HELLS: variants seen among roughly 807,000 people sequenced by gnomAD.
The protein encoded by HELLS is lymphoid-specific helicase.
HELLS carries 32 observed loss-of-function variants against 120.0 expected under a neutral mutation model. The observed-to-expected ratio is 0.27, with a 90% CI of 0.20 to 0.36. The LOEUF is 0.36. HELLS is among the 10% of genes least tolerant of loss of function. The pLI is 1.00. For missense variants in HELLS, 650 were observed against 993.4 expected, an observed-to-expected ratio of 0.65 and a Z score of 4.65; for synonymous variants, 341 against 323.4, an observed-to-expected ratio of 1.05 and a Z score of -0.58.
chr10:94,598,942 G>C (rs1285349922), intron 21 of HELLS, among the ~76,000 whole-genome samples: 1 of 151,734 alleles, frequency 6.6e-6, no homozygotes, highest in Non-Finnish European at 1.5e-5. Context: ...GGATGGCCTT[G>C]TCATCCTTGA....
chr10:94,551,531 C>T (rs1007307166), intron 2 of HELLS, among the ~76,000 whole-genome samples: 4 of 151,946 alleles, frequency 2.6e-5, no homozygotes, highest in Non-Finnish European at 5.9e-5. Context: ...TGTGCCACTG[C>T]ACTCCAGCCT....
At chr10:94,571,267 T>G in intron 6 of HELLS, 121 bp from the exon 7 acceptor site, 1 of 779,772 alleles carries the variant, frequency 1.3e-6, no homozygotes, top group South Asian at 1.7e-5. Flanking sequence ...GCTACTAGTT[T>G]TATCTTGAGA....
At chr10:94,574,281 GT>G in intron 8 of HELLS, 94 bp downstream of exon 8, 2 of 834,688 alleles carry the variant, frequency 2.4e-6, no homozygotes, top group Non-Finnish European at 3.9e-6. Context: ...TTTCTATCAT[GT>G]TTCACTATTA....
chr10:94,613,760 T>A (rs1846217311), exon 10 of HELLS: 1 of 152,328 alleles, frequency 6.6e-6, no homozygotes, highest in African/African-American at 2.4e-5. Flanking sequence ...TTTTGGAGTA[T>A]ATTGTTGCAT....
chr10:94,580,534 A>G (rs1486633297), intron 10 of HELLS, among the ~76,000 whole-genome samples: 2 of 152,174 alleles, frequency 1.3e-5, no homozygotes, highest in African/African-American at 2.4e-5. Context: ...TTACAGTGAG[A>G]GATAATTCAG....
rs1264052315 is a variant in HELLS at position 94,550,480 on chromosome 10, A to C, written c.154-3646A>C. ...TATTTTTAGTAAAGACGGGGTTTCA[A>C]CATATTGGCCGGCCTGGTCTCAAAC... On this transcript the variant is annotated intron_variant, in intron 2 of 21. Coordinates refer to ENST00000348459, the MANE Select transcript of HELLS (RefSeq NM_018063.5). Among the ~76,000 whole-genome samples the C allele has an allele frequency of 4.6e-5, 7 of 151,962 alleles. No homozygotes were observed. The East Asian group carries it at 1.2e-3, about 26-fold the overall frequency.
At chr10:94,611,424 T>A (rs1333432413) in exon 10 of HELLS, 1 of 151,700 alleles carries the variant, frequency 6.6e-6, no homozygotes, top group African/African-American at 2.4e-5. Context: ...TTTACTTTTA[T>A]TAGTAATTAA....
downstream of HELLS, among the ~76,000 whole-genome samples, chr10:94,606,013 C>G (rs1252475751): frequency 1.4e-5 from 2 of 146,944 alleles, no homozygotes; most frequent in African/African-American, 2.5e-5. Flanking sequence ...GTTTCTTTGT[C>G]TTTTGTATTC....
chr10:94,579,304 C>CA (rs1844696899), intron 10 of HELLS, among the ~76,000 whole-genome samples: 1 of 150,524 alleles, frequency 6.6e-6, no homozygotes, highest in Admixed American at 6.6e-5. Flanking sequence ...AGGTTCACAC[C>CA]ATTCTCCTGC....
chr10:94,610,548 CAG>C (rs1238563540), exon 10 of HELLS: 2 of 151,766 alleles, frequency 1.3e-5, no homozygotes, highest in Non-Finnish European at 2.9e-5. Flanking sequence ...AGAAATCTTT[CAG>C]AGAAAGGTCA....
chr10:94,546,677 G>A (rs1842767831), intron 2 of HELLS, among the ~76,000 whole-genome samples, 179 bp downstream of exon 2: 1 of 152,066 alleles, frequency 6.6e-6, no homozygotes, highest in Non-Finnish European at 1.5e-5. Context: ...GAATCCTTTC[G>A]CAAGTGCTTT....
intron 12 of HELLS, among the ~76,000 whole-genome samples, chr10:94,586,569 G>T (rs1363365563): frequency 6.6e-6 from 1 of 152,080 alleles, no homozygotes; most frequent in African/African-American, 2.4e-5. Context: ...TATACCTGTT[G>T]GGTATTTAAG....
At chr10:94,575,495 T>A (rs1361804663) in intron 9 of HELLS, among the ~76,000 whole-genome samples, 1 of 150,868 alleles carries the variant, frequency 6.6e-6, no homozygotes, top group Non-Finnish European at 1.5e-5. Flanking sequence ...ATATATATAT[T>A]ATTTATTTAT....
intron 17 of HELLS, among the ~76,000 whole-genome samples, chr10:94,593,088 C>T (rs1461366717): frequency 6.6e-6 from 1 of 152,134 alleles, no homozygotes; most frequent in Non-Finnish European, 1.5e-5. Flanking sequence ...TTTGCTGAAT[C>T]TTTCTGACAA....
chr10:94,559,861 G>T (rs1397360500), intron 4 of HELLS, among the ~76,000 whole-genome samples: 1 of 152,140 alleles, frequency 6.6e-6, no homozygotes, highest in East Asian at 1.9e-4. Flanking sequence ...CAGAGTCAGA[G>T]ACCCAAGCTT....
chr10:94,577,596 GT>G (rs1286034101), intron 10 of HELLS: 1 of 153,104 alleles, frequency 6.5e-6, no homozygotes, highest in Admixed American at 6.5e-5. Flanking sequence ...CAGTTCAGGA[GT>G]TTAGCAAAGT....
intron 15 of HELLS, among the ~76,000 whole-genome samples, chr10:94,591,532 T>C (rs540037231): frequency 8.5e-5 from 13 of 152,310 alleles, no homozygotes; most frequent in Admixed American, 6.5e-4. Flanking sequence ...TAATTCTTTC[T>C]TAGGAGGTAA....
chr10:94,563,902 C>T lies in HELLS; in HGVS notation c.435+1026C>T, dbSNP rs188848942. ...CTAGGCTTACCGCATCCTCCGCTTC[C>T]CAGGTTCAAGCAATTCTCCTGCCTC... is the stretch of plus-strand genomic sequence containing the variant. On this transcript the variant is annotated intron_variant, in intron 6 of 21. Transcript: ENST00000348459. Among the ~76,000 whole-genome samples, 4 of 151,180 alleles carry T rather than the reference C, an allele frequency of 2.6e-5. No homozygotes were observed. In the East Asian group the frequency reaches 7.9e-4, roughly 30 times the overall value.
At chr10:94,573,301 G>A (rs893487242) in intron 7 of HELLS, among the ~76,000 whole-genome samples, 74 of 151,890 alleles carry the variant, frequency 4.9e-4, no homozygotes, top group African/African-American at 1.3e-3. Context: ...TCTTTTGCCC[G>A]TCTTATTTAT....
Sources: gnomAD v4.1 joint callset for allele counts (sites outside exome capture counted in the v4.1 genomes callset) on GRCh38, gnomAD v4.1.1 for gene constraint, MANE v1.5 for transcripts, NCBI Gene and HGNC (gene_info 2026-07-23, HGNC 2026-07-21) for gene names.